Variants in KLK6 observed in about 807,000 individuals in gnomAD.
KLK6 encodes the protein kallikrein related peptidase 6.
Under a neutral mutation model 21.7 loss-of-function variants are expected in KLK6, and 16 were observed. The observed-to-expected ratio is 0.74, with a 90% CI of 0.50 to 1.12. KLK6 has a LOEUF of 1.12. Among genes scored for constraint, KLK6 ranks in the 50% most tolerant of loss-of-function variants. The probability of loss-of-function intolerance (pLI) is 0.00; values close to 1 mark genes in which losing one functional copy is unlikely to be tolerated. For synonymous variants in KLK6, 116 were observed against 120.1 expected (o/e 0.97, Z 0.22); for missense variants, 276 against 304.6 (o/e 0.91, Z 0.70).
At chr19:50,963,775 C>A in intron 4 of KLK6, 1 of 548,310 alleles carries the variant, frequency 1.8e-6, no homozygotes, top group Non-Finnish European at 3.2e-6. Flanking sequence ...CTCTCTGAAG[C>A]ATATCCAGAA....
chr19:50,961,491 C>T (rs114817507), intron 6 of KLK6, among the ~76,000 whole-genome samples: 1,683 of 152,284 alleles, frequency 0.011, 20 homozygotes, highest in African/African-American at 0.029. Flanking sequence ...CTTGATCCCG[C>T]GGCCTCCATC....
chr19:50,965,609 T>C (rs1036099559), intron 4 of KLK6, among the ~76,000 whole-genome samples: 1 of 152,202 alleles, frequency 6.6e-6, no homozygotes, highest in Non-Finnish European at 1.5e-5. Flanking sequence ...TTTCTGTCCT[T>C]GTGCTCCCGA....
At chr19:50,960,368 G>A (rs1031752203) in intron 6 of KLK6, among the ~76,000 whole-genome samples, 1 of 151,988 alleles carries the variant, frequency 6.6e-6, no homozygotes, top group Admixed American at 6.5e-5. Context: ...CTCCCCCTTG[G>A]TTGGTCTCTG....
At chr19:50,967,077 G>T (rs996616688) in intron 4 of KLK6, 92 bp downstream of exon 4, 23 of 1,388,200 alleles carry the variant, frequency 1.7e-5, no homozygotes, top group South Asian at 2.4e-5. Context: ...GTGCTGGGAT[G>T]GGGGGGATGC....
chr19:50,963,126 C>G (rs1408152260), intron 5 of KLK6, among the ~76,000 whole-genome samples, 176 bp downstream of exon 5: 1 of 152,166 alleles, frequency 6.6e-6, no homozygotes, highest in Non-Finnish European at 1.5e-5. Context: ...ACTGGCCCAG[C>G]TCCCAAATTC....
chr19:50,963,297 C>T lies in KLK6; in HGVS notation c.445+5G>A, dbSNP rs777471977. ...CCTGCTCCCCACCAGCCTCCCACTA[C>T]TGACCATCTGCTGTCTTGCCCCAGC... On this transcript the variant is annotated splice_donor_5th_base_variant and intron_variant, in intron 5 of 6. Coordinates refer to ENST00000310157, the MANE Select transcript of KLK6 (RefSeq NM_002774.4). The T allele has an allele frequency of 3.2e-5, 51 of 1,611,288 alleles. No individual in the cohort carries two copies. In the Admixed American group the frequency reaches 7.0e-4, roughly 22 times the overall value.
chr19:50,968,205 G>A (rs2090958211), intron 2 of KLK6, 93 bp from the exon 3 acceptor site: 2 of 1,118,748 alleles, frequency 1.8e-6, no homozygotes, highest in East Asian at 2.4e-5. Context: ...CTTCCTTCCT[G>A]GCCTGCTATG....
chr19:50,960,071 AGG>A (rs1600087933), intron 6 of KLK6, among the ~76,000 whole-genome samples: 10 of 48,506 alleles, frequency 2.1e-4, no homozygotes, highest in African/African-American at 1.1e-3. Context: ...GGGGAGGAGG[AGG>A]GGGAGGAGGA....
rs775869793 is a variant in KLK6 at position 50,963,518 on chromosome 19, G to T, written c.229C>A (p.Leu77Ile). The T allele has an allele frequency of 8.1e-6, 13 of 1,614,158 alleles. No individual in the cohort carries two copies. In the East Asian group the frequency reaches 2.9e-4, roughly 36 times the overall value. The stretch of plus-strand genomic sequence containing the variant: ...TCCTGGGAACTCTCCCTTTGCCGAA[G>T]GTTATGCTTCCCCAGGAAGACCTGA... ...NLQVFLGKHNLRQRESSQEQS... is the reference protein window; with the variant it reads ...NLQVFLGKHNIRQRESSQEQS... Residue 77 changes from leucine (L) to isoleucine (I), a missense_variant, in exon 5 of 7, where the codon CTT (leucine) becomes ATT (isoleucine). Coordinates refer to ENST00000310157, the MANE Select transcript of KLK6 (RefSeq NM_002774.4).
intron 3 of KLK6, among the ~76,000 whole-genome samples, chr19:50,967,688 G>C (rs932366268): frequency 1.2e-4 from 16 of 138,872 alleles, no homozygotes; most frequent in African/African-American, 4.2e-4. Flanking sequence ...CTGGGTGACA[G>C]AGTGAGACCC....
Position 50,959,157 on chromosome 19 carries a change from G to T in KLK6, c.*7C>A, listed in dbSNP as rs767042930. 1 of 1,614,128 alleles carries T rather than the reference G, an allele frequency of 6.2e-7. No homozygotes were observed. The highest frequency in any genetic ancestry group is 2.2e-5 in the East Asian group (1 of 44,882). On this transcript the variant is annotated 3_prime_UTR_variant, in exon 7 of 7. Transcript: ENST00000310157. ...GTAGGTCGGGAGGTAGATGTCACATGTCAGGGTCACTTGGCCTGAATGGTT... is the reference window on the plus strand; with the variant it reads ...GTAGGTCGGGAGGTAGATGTCACATTTCAGGGTCACTTGGCCTGAATGGTT...
chr19:50,960,433 G>A (rs1410859657), intron 6 of KLK6, among the ~76,000 whole-genome samples: 1 of 152,066 alleles, frequency 6.6e-6, no homozygotes, highest in Non-Finnish European at 1.5e-5. Context: ...CTGGATGGAT[G>A]ACAATGGAGG....
intron 4 of KLK6, 99 bp from the exon 5 acceptor site, chr19:50,963,648 C>T (rs1338857681): frequency 5.0e-6 from 7 of 1,401,474 alleles, no homozygotes; most frequent in African/African-American, 4.3e-5. Flanking sequence ...CTGCTCCTCC[C>T]ACAGTCTTCC....
At chr19:50,968,188 T>C in intron 2 of KLK6, 76 bp from the exon 3 acceptor site, 4 of 1,292,786 alleles carry the variant, frequency 3.1e-6, no homozygotes, top group Non-Finnish European at 4.5e-6. Context: ...TCCCTCTGCA[T>C]CCTCTCCTTC....
At chr19:50,963,705 G>A (rs953786591) in intron 4 of KLK6, 156 bp from the exon 5 acceptor site, 4 of 792,072 alleles carry the variant, frequency 5.1e-6, no homozygotes, top group South Asian at 3.6e-5. Flanking sequence ...AATCTTGGGG[G>A]CTATTCTTCA....
rs73600180 is a variant in KLK6, at chr19:50,968,287, C to G, written c.-8-175G>C. On this transcript the variant is annotated intron_variant, in intron 2 of 6. Transcript: ENST00000310157. The stretch of plus-strand genomic sequence containing the variant: ...TTCTTCCTCAGCCCACATCTTCCAT[C>G]AGAGGATCCCACGAAAACAGTGCCA... The G allele has an allele frequency of 1.4e-3, 933 of 665,624 alleles. 4 individuals are homozygous for G. The African/African-American group carries it at 0.015, about 11-fold the overall frequency. 41.2% of individuals were successfully genotyped at this position (665,624 alleles called of 1,614,324 possible).
chr19:50,963,373 A>G lies in KLK6; in HGVS notation c.374T>C (p.Leu125Pro). Residue 125 changes from leucine to proline, a missense_variant, in exon 5 of 7, where the codon CTT becomes CCT. Leu to Pro is a moderately conservative substitution (Grantham distance 98). Transcript: ENST00000310157. ...GGCTGAGCAGTCCCTCTCCAGGGGA[A>G]GGGGCTGGATGAGTTCAGAGAGTTT... ...PAKLSELIQP[L>P]PLERDCSANT... 1 of 1,614,194 alleles carries G rather than the reference A, an allele frequency of 6.2e-7. No homozygotes were observed. Among genetic ancestry groups the G allele is most frequent in the Non-Finnish European group, 8.5e-7 (1 of 1,180,030 alleles).
chr19:50,961,831 A>G lies in KLK6; in HGVS notation c.495T>C (p.Arg165=). 1 of 1,613,876 alleles carries G rather than the reference A, an allele frequency of 6.2e-7. No homozygotes were observed. Among genetic ancestry groups the G allele is most frequent in the South Asian group, 1.1e-5 (1 of 91,058 alleles). Residue 165 remains arginine (R), a synonymous_variant, in exon 6 of 7, where the codon CGT becomes CGC. Transcript: ENST00000310157. ...IQCAYIHLVS[R]EECEHAYPGQ... ...CAGGGTAGGCATGCTCACACTCCTC[A>G]CGGGACACCAGGTGGATGTATGCAC...
At chr19:50,968,511 CG>C (rs2090963379) in intron 2 of KLK6, 29 bp downstream of exon 2, 1 of 240,464 alleles carries the variant, frequency 4.2e-6, no homozygotes, top group South Asian at 6.8e-5. Flanking sequence ...CCCGCCCACC[CG>C]GCAGGTTCTG....
Sources: gnomAD v4.1 joint callset for allele counts (sites outside exome capture counted in the v4.1 genomes callset) on GRCh38, gnomAD v4.1.1 for gene constraint, MANE v1.5 for transcripts, NCBI Gene and HGNC (gene_info 2026-07-23, HGNC 2026-07-21) for gene names.